Variants in ZNF112 observed in about 807,000 individuals in gnomAD.
ZNF112 encodes the protein zinc finger protein 112.
Under a neutral mutation model 77.7 loss-of-function variants are expected in ZNF112, and 37 were observed. The ratio of observed to expected loss-of-function variants is 0.48; its 90% CI spans 0.37 to 0.63. The LOEUF is 0.63. Ranked by LOEUF, ZNF112 falls within the 20% of genes least tolerant of loss-of-function variation. The pLI is 0.00. For synonymous variants in ZNF112, 333 were observed against 363.6 expected (o/e 0.92, Z 0.96); for missense variants, 950 against 1,077.4 (o/e 0.88, Z 1.66).
upstream of ZNF112, among the ~76,000 whole-genome samples, chr19:44,360,110 G>C (rs1568680838): frequency 1.8e-5 from 2 of 112,254 alleles, no homozygotes. Flanking sequence ...CAAAAAAAAA[G>C]CCGGGCATGG....
In ZNF112 at chr19:44,328,323, A is replaced by C. The variant is rs1304230523; in HGVS notation, c.1834T>G (p.Phe612Val). ...CCTTGAAGGTGTGAACTCCGACTGA[A>C]GCCCTTCCCACACTCCTCACACTTG... ...PYKCEECGKG[F>V]SRSSHLQGHQ... The change falls in exon 4 of 4, where the codon TTC (phenylalanine) becomes GTC (valine). Residue 612 changes from phenylalanine (F) to valine (V), a missense_variant. Around this residue, in one of 3 missense-constraint regions of ZNF112, gnomAD observed 373 missense variants for 482.8 expected, o/e 0.77. Coordinates refer to ENST00000354340, the MANE Select transcript of ZNF112 (RefSeq NM_013380.4). 1 of 1,614,066 alleles carries C rather than the reference A, an allele frequency of 6.2e-7. No homozygotes were observed. Among genetic ancestry groups the C allele is most frequent in the African/African-American group, 1.3e-5 (1 of 75,018 alleles).
chr19:44,353,626 A>G, intron 1 of ZNF112, among the ~76,000 whole-genome samples: 1 of 152,164 alleles, frequency 6.6e-6, no homozygotes. Context: ...GATGGCAAAG[A>G]AACAATAACA....
At chr19:44,344,484 C>T (rs1389390204) in intron 1 of ZNF112, among the ~76,000 whole-genome samples, 1 of 152,200 alleles carries the variant, frequency 6.6e-6, no homozygotes, top group African/African-American at 2.4e-5. Flanking sequence ...CTCCCTCCTG[C>T]CCCACCTGGC....
chr19:44,339,602 G>A (rs2571101), intron 2 of ZNF112, among the ~76,000 whole-genome samples: 114,519 of 152,158 alleles, frequency 0.75, 43,757 homozygotes, highest in African/African-American at 0.89. Flanking sequence ...CATCTGGAAC[G>A]CTCCTGGACT....
chr19:44,365,015 C>T (rs186936037), intron 1 of ZNF112, among the ~76,000 whole-genome samples: 4,160 of 151,334 alleles, frequency 0.027, 199 homozygotes, highest in African/African-American at 0.095. Context: ...GGTGGGTGTT[C>T]CCTTCCCTTT....
chr19:44,332,697 C>A (rs974676697), intron 3 of ZNF112, among the ~76,000 whole-genome samples: 1 of 152,052 alleles, frequency 6.6e-6, no homozygotes, highest in South Asian at 2.1e-4. Flanking sequence ...CAATTTCTCA[C>A]AAAGCAACTG....
At chr19:44,347,549 CTTT>C (rs201473795) in intron 1 of ZNF112, among the ~76,000 whole-genome samples, 1 of 77,394 alleles carries the variant, frequency 1.3e-5, no homozygotes, top group Non-Finnish European at 2.9e-5. Flanking sequence ...GCTATATGTC[CTTT>C]TTTTTTTTTT....
intron 2 of ZNF112, among the ~76,000 whole-genome samples, chr19:44,338,866 C>G (rs902626301): frequency 1.3e-5 from 2 of 152,060 alleles, no homozygotes; most frequent in Non-Finnish European, 2.9e-5. Context: ...AGTTTGAGAC[C>G]AGTGTGGCCA....
chr19:44,351,669 A>T (rs58304140), intron 1 of ZNF112, among the ~76,000 whole-genome samples: 10,775 of 152,060 alleles, frequency 0.071, 502 homozygotes, highest in African/African-American at 0.13. Flanking sequence ...AACTGGAAAA[A>T]CTAAAATATT....
At chr19:44,353,938 C>T (rs568412841) in intron 1 of ZNF112, among the ~76,000 whole-genome samples, 6 of 152,126 alleles carry the variant, frequency 3.9e-5, no homozygotes, top group African/African-American at 1.4e-4. Flanking sequence ...CAGCTCTATT[C>T]ATAAATGCCA....
chr19:44,340,337 C>T, intron 2 of ZNF112, 79 bp downstream of exon 2: 3 of 1,548,264 alleles, frequency 1.9e-6, no homozygotes, highest in Non-Finnish European at 2.6e-6. Context: ...ATTTCAGGGG[C>T]TTCAGAGTTT....
upstream of ZNF112, among the ~76,000 whole-genome samples, chr19:44,360,396 T>G (rs1463876355): frequency 6.7e-6 from 1 of 148,302 alleles, no homozygotes; most frequent in Non-Finnish European, 1.5e-5. Flanking sequence ...AAAAAAAAAG[T>G]TTGATTAATC....
intron 3 of ZNF112, among the ~76,000 whole-genome samples, chr19:44,334,585 G>A (rs1451338766): frequency 6.6e-6 from 1 of 152,254 alleles, no homozygotes; most frequent in South Asian, 2.1e-4. Context: ...GGGAAAAATA[G>A]TTCTGTGGCT....
chr19:44,355,126 C>T (rs945747523), intron 1 of ZNF112, among the ~76,000 whole-genome samples: 24 of 151,602 alleles, frequency 1.6e-4, no homozygotes, highest in African/African-American at 5.6e-4. Flanking sequence ...AAGGTTGAAG[C>T]TGGGTGACGC....
At chr19:44,353,296 T>A (rs1419614449) in intron 1 of ZNF112, among the ~76,000 whole-genome samples, 10 of 152,000 alleles carry the variant, frequency 6.6e-5, no homozygotes, top group Non-Finnish European at 1.5e-5. Context: ...ACCATAAAAC[T>A]TCTAGAACAA....
In ZNF112 at chr19:44,329,486, TTTTC is replaced by T; in HGVS notation, c.667_670del (p.Glu223ThrfsTer12). ...TTCTCCACAGTCATGGCAGCTGTAGTTTTCTTTTCTGTGTACTTCCAGTTTATCA... is the reference window on the plus strand; with the variant it reads ...TTCTCCACAGTCATGGCAGCTGTAGTTTTTCTGTGTACTTCCAGTTTATCA... On this transcript the variant is annotated frameshift_variant, in exon 4 of 4. Coordinates refer to ENST00000354340, the MANE Select transcript of ZNF112 (RefSeq NM_013380.4). LOFTEE classifies it high-confidence loss of function. 1 of 1,614,148 alleles carries T rather than the reference TTTTC, an allele frequency of 6.2e-7. No individual in the cohort carries two copies.
chr19:44,365,419 C>A (rs1970893976), intron 1 of ZNF112, among the ~76,000 whole-genome samples: 1 of 152,022 alleles, frequency 6.6e-6, no homozygotes, highest in South Asian at 2.1e-4. Context: ...GTGATCATGC[C>A]TCTGCACTCC....
At chr19:44,364,536 C>T (rs1326598325) in intron 1 of ZNF112, among the ~76,000 whole-genome samples, 1 of 152,034 alleles carries the variant, frequency 6.6e-6, no homozygotes, top group Non-Finnish European at 1.5e-5. Flanking sequence ...CTTTCCAGGT[C>T]CTGTGGTCAC....
intron 1 of ZNF112, among the ~76,000 whole-genome samples, chr19:44,363,973 G>A (rs1599944570): frequency 1.3e-5 from 2 of 152,084 alleles, no homozygotes; most frequent in Admixed American, 6.5e-5. Context: ...GCGGTGGCAT[G>A]ATCTTGGCTC....
Sources: allele counts gnomAD v4.1 joint callset (sites outside exome capture counted in the v4.1 genomes callset), GRCh38; gene constraint gnomAD v4.1.1; regional missense constraint gnomAD v4.1.1; transcripts MANE v1.5; gene names NCBI Gene and HGNC (gene_info 2026-07-23, HGNC 2026-07-21).